The following NRG1 variants were observed in gnomAD, a reference collection of about 807,000 sequenced individuals.
The protein encoded by NRG1 is neuregulin 1.
A neutral mutation model predicts 63.8 loss-of-function variants in NRG1; 18 were observed. The ratio of observed to expected loss-of-function variants is 0.28; its 90% confidence interval spans 0.19 to 0.42. The LOEUF (loss-of-function observed/expected upper bound fraction) is 0.42. NRG1 is among the 10% of genes least tolerant of loss of function. The pLI, the probability that NRG1 is intolerant of heterozygous loss-of-function variation, is 1.00. For missense variants in NRG1, 762 were observed against 814.7 expected, an observed-to-expected ratio of 0.94 and a Z score of 0.79; for synonymous variants, 302 against 301.3, an observed-to-expected ratio of 1.00 and a Z score of -0.02.
At chr8:32,639,689 G>C (rs1030025192) in intron 5 of NRG1, among the ~76,000 whole-genome samples, 1 of 152,176 alleles carries the variant, frequency 6.6e-6, no homozygotes, top group Non-Finnish European at 1.5e-5. Context: ...TAGAGCATTT[G>C]CTATAAGTGA....
At chr8:31,897,659 C>A (rs886296761) in intron 1 of NRG1, among the ~76,000 whole-genome samples, 1 of 152,126 alleles carries the variant, frequency 6.6e-6, no homozygotes, top group Non-Finnish European at 1.5e-5. Flanking sequence ...TTGACCCAGA[C>A]ATTCCCTTCT....
intron 5 of NRG1, among the ~76,000 whole-genome samples, chr8:32,638,947 G>A (rs1269407927): frequency 6.6e-6 from 1 of 151,966 alleles, no homozygotes; most frequent in African/African-American, 2.4e-5. Context: ...TGCCAAATCA[G>A]TTCTGGAAAC....
chr8:31,836,256 T>C (rs1385559045), intron 1 of NRG1, among the ~76,000 whole-genome samples: 1 of 152,200 alleles, frequency 6.6e-6, no homozygotes, highest in Non-Finnish European at 1.5e-5. Flanking sequence ...AGACTTTGCT[T>C]ATATTTACAA....
chr8:32,213,874 G>A (rs1844941846), intron 1 of NRG1, among the ~76,000 whole-genome samples: 1 of 152,134 alleles, frequency 6.6e-6, no homozygotes, highest in Non-Finnish European at 1.5e-5. Flanking sequence ...GTAACTCCAA[G>A]GGCTGGTAAG....
chr8:31,654,661 A>C (rs895260871), intron 1 of NRG1, among the ~76,000 whole-genome samples: 1 of 152,188 alleles, frequency 6.6e-6, no homozygotes, highest in Non-Finnish European at 1.5e-5. Flanking sequence ...CTTCTTGGCT[A>C]GATGTGTGGC....
At chr8:31,688,858 A>T (rs1364583945) in intron 1 of NRG1, among the ~76,000 whole-genome samples, 5 of 152,176 alleles carry the variant, frequency 3.3e-5, no homozygotes, top group Non-Finnish European at 5.9e-5. Flanking sequence ...CAAATTGTTT[A>T]TCTCACAGTT....
intron 1 of NRG1, among the ~76,000 whole-genome samples, chr8:31,989,492 A>G (rs1400231905): frequency 6.6e-6 from 1 of 151,938 alleles, no homozygotes; most frequent in African/African-American, 2.4e-5. Flanking sequence ...AATAATCTCT[A>G]GAGTAATCTC....
rs1818900269 is a variant in NRG1 at position 31,774,229 on chromosome 8, T to C, written c.37+134798T>C. Among the ~76,000 whole-genome samples the C allele has an allele frequency of 2.0e-5, 3 of 152,112 alleles. No homozygotes were observed. The South Asian group carries it at 6.2e-4, about 31-fold the overall frequency. Reference sequence around the variant, plus strand: ...GGTTGCCTCTACTGGGCACTTCATATTCCCCCAGATTTTTGCCTGACTCCC... The same window carrying C: ...GGTTGCCTCTACTGGGCACTTCATACTCCCCCAGATTTTTGCCTGACTCCC... On this transcript the variant is annotated intron_variant, in intron 1 of 10. Transcript: ENST00000519301.
intron 5 of NRG1, among the ~76,000 whole-genome samples, chr8:32,654,761 G>A (rs190812801): frequency 3.8e-5 from 5 of 129,910 alleles, no homozygotes; most frequent in African/African-American, 8.4e-5. Context: ...ACTGAAATGC[G>A]TTACATACTT....
At chr8:32,104,831 A>T (rs1295728502) in intron 1 of NRG1, among the ~76,000 whole-genome samples, 1 of 152,076 alleles carries the variant, frequency 6.6e-6, no homozygotes, top group Non-Finnish European at 1.5e-5. Context: ...ACAAGCACGA[A>T]GCTGTCATCT....
chr8:32,265,497 C>A (rs1028680523), intron 1 of NRG1, among the ~76,000 whole-genome samples: 1 of 152,092 alleles, frequency 6.6e-6, no homozygotes, highest in Admixed American at 6.6e-5. Context: ...TACATTCAAC[C>A]AACCATGGGT....
intron 1 of NRG1, among the ~76,000 whole-genome samples, chr8:32,520,000 ACACT>A (rs1406041031): frequency 6.6e-6 from 1 of 152,160 alleles, no homozygotes; most frequent in East Asian, 1.9e-4. Flanking sequence ...TACTGCACAC[ACACT>A]CACACACATA....
At chr8:32,446,999 TTTTATTTA>T (rs67102016) in intron 1 of NRG1, among the ~76,000 whole-genome samples, 4 of 146,344 alleles carry the variant, frequency 2.7e-5, no homozygotes, top group Non-Finnish European at 4.5e-5. Context: ...CTAAAATACT[TTTTATTTA>T]TTTATTTATT....
intron 1 of NRG1, among the ~76,000 whole-genome samples, chr8:31,735,574 AATG>A (rs1197660496): frequency 1.3e-5 from 2 of 152,226 alleles, no homozygotes; most frequent in African/African-American, 4.8e-5. Context: ...AGGCATTAAA[AATG>A]ATAAGCACTT....
intron 1 of NRG1, among the ~76,000 whole-genome samples, chr8:31,857,908 A>G (rs1828077423): frequency 6.6e-6 from 1 of 152,160 alleles, no homozygotes; most frequent in Non-Finnish European, 1.5e-5. Flanking sequence ...AAGTTTTGCA[A>G]AGGAGATGAG....
chr8:32,764,922 T>A (rs1831306437), exon 12 of NRG1: 1 of 152,516 alleles, frequency 6.6e-6, no homozygotes, highest in Non-Finnish European at 1.5e-5. Context: ...AAGGTTTGCC[T>A]CATTGGGCTC....
chr8:32,603,230 T>C (rs1054353945), intron 2 of NRG1, among the ~76,000 whole-genome samples: 1 of 152,146 alleles, frequency 6.6e-6, no homozygotes, highest in Non-Finnish European at 1.5e-5. Context: ...CATTAACAGA[T>C]ATGCCTTGTG....
Position 32,163,773 on chromosome 8 carries a change from C to A in NRG1, c.38-432055C>A, listed in dbSNP as rs916311832. ...GGAAACACTGGTACGTTAGGAATAT[C>A]ATTCATTTTCGGATTCTTGGCCCTT... On this transcript the variant is annotated intron_variant, in intron 1 of 10. Coordinates refer to the NRG1 transcript ENST00000519301. Among the ~76,000 whole-genome samples the A allele has an allele frequency of 7.2e-5, 11 of 152,310 alleles. 2 individuals carry two copies. The highest frequency in any genetic ancestry group is 6.5e-5 in the Admixed American group (1 of 15,292).
chr8:31,903,783 C>T (rs1432987621), intron 1 of NRG1, among the ~76,000 whole-genome samples: 1 of 151,816 alleles, frequency 6.6e-6, no homozygotes, highest in African/African-American at 2.4e-5. Flanking sequence ...AGGGAAACCC[C>T]GTTTCTACTA....
Sources: gnomAD v4.1 joint callset for allele counts (sites outside exome capture counted in the v4.1 genomes callset) on GRCh38, gnomAD v4.1.1 for gene constraint, MANE v1.5 for transcripts, NCBI Gene and HGNC (gene_info 2026-07-23, HGNC 2026-07-21) for gene names.